ZPBP: variants seen among roughly 807,000 people sequenced by gnomAD.
ZPBP encodes zona pellucida-binding protein 1.
A neutral mutation model predicts 44.8 loss-of-function variants in ZPBP; 26 were observed. The ratio of observed to expected loss-of-function variants is 0.58; its 90% confidence interval spans 0.43 to 0.81. ZPBP has a LOEUF of 0.81. Ranked by LOEUF, ZPBP falls within the 30% of genes least tolerant of loss-of-function variation. The pLI is 0.00. For synonymous variants in ZPBP, 174 were observed against 153.2 expected, an observed-to-expected ratio of 1.14 and a Z score of -1.00; for missense variants, 409 against 434.0, an observed-to-expected ratio of 0.94 and a Z score of 0.51.
chr7:49,849,721 G>T (rs1360282971), downstream of ZPBP, among the ~76,000 whole-genome samples: 2 of 152,214 alleles, frequency 1.3e-5, no homozygotes, highest in Non-Finnish European at 2.9e-5. Context: ...GTCAGCAGAA[G>T]CCTGAAGAAT....
At chr7:49,938,551 T>TA (rs1461032483) in intron 7 of ZPBP, among the ~76,000 whole-genome samples, 1 of 152,126 alleles carries the variant, frequency 6.6e-6, no homozygotes, top group Non-Finnish European at 1.5e-5. Context: ...ATTAATGTAT[T>TA]AAAAAATCAC....
intron 3 of ZPBP, among the ~76,000 whole-genome samples, chr7:50,064,439 A>G (rs917608489): frequency 3.3e-5 from 5 of 152,180 alleles, no homozygotes; most frequent in Non-Finnish European, 7.3e-5. Context: ...AAAATTTCTT[A>G]GGCAGGAATT....
chr7:50,073,677 C>T (rs1801951932), intron 3 of ZPBP, among the ~76,000 whole-genome samples: 1 of 152,032 alleles, frequency 6.6e-6, no homozygotes, highest in Admixed American at 6.6e-5. Context: ...AAATAACATA[C>T]AATGGAGTTC....
intron 7 of ZPBP, among the ~76,000 whole-genome samples, chr7:49,975,702 T>G (rs1384079188): frequency 1.3e-5 from 2 of 152,172 alleles, no homozygotes; most frequent in African/African-American, 4.8e-5. Flanking sequence ...CTGCTATCAT[T>G]TTTTGGCTTC....
At position 50,049,183 on chromosome 7, in the gene ZPBP, A is replaced by T. The variant is rs115037761; in HGVS notation, c.487+8806T>A. Among the ~76,000 whole-genome samples the T allele has an allele frequency of 3.5e-3, 533 of 152,172 alleles. 4 individuals are homozygous for T. Among genetic ancestry groups the T allele is most frequent in the African/African-American group, 0.012 (515 of 41,564 alleles). On this transcript the variant is annotated intron_variant, in intron 4 of 7. Coordinates refer to ENST00000046087, the MANE Select transcript of ZPBP (RefSeq NM_007009.3). ...AGGTTGAATTAGTAATCAAAAAACT[A>T]CCTATGAAAAACAACACAAGCCCAA...
intron 2 of ZPBP, among the ~76,000 whole-genome samples, chr7:49,892,815 T>G (rs964974654): frequency 6.6e-5 from 10 of 152,258 alleles, no homozygotes; most frequent in Non-Finnish European, 1.5e-4. Context: ...TAAATGTTCA[T>G]CAGATCCTAA....
chr7:49,978,341 C>T (rs1243346829), intron 7 of ZPBP, among the ~76,000 whole-genome samples: 2 of 151,482 alleles, frequency 1.3e-5, no homozygotes, highest in Admixed American at 6.6e-5. Context: ...AAATGTTGTA[C>T]ATTATAAGGA....
At chr7:49,980,393 T>C (rs1430607317) in intron 7 of ZPBP, among the ~76,000 whole-genome samples, 1 of 146,626 alleles carries the variant, frequency 6.8e-6, no homozygotes, top group Non-Finnish European at 1.5e-5. Context: ...AAAAAATTTA[T>C]ACTAATATCA....
intron 7 of ZPBP, among the ~76,000 whole-genome samples, chr7:49,979,805 T>C (rs1177640802): frequency 7.3e-6 from 1 of 136,058 alleles, no homozygotes; most frequent in East Asian, 2.1e-4. Context: ...TTTATCCTTA[T>C]CTGTGTTCTG....
chr7:50,092,771 C>T, intron 1 of ZPBP: 1 of 279,604 alleles, frequency 3.6e-6, no homozygotes, highest in Non-Finnish European at 6.6e-6. Flanking sequence ...GCAAACCTGG[C>T]AGATGACCCA....
intron 5 of ZPBP, among the ~76,000 whole-genome samples, chr7:50,029,511 A>C (rs1048004623): frequency 4.6e-5 from 7 of 152,220 alleles, no homozygotes; most frequent in Admixed American, 4.6e-4. Flanking sequence ...GCATCAGAGG[A>C]TATTATTAAG....
chr7:49,875,137 C>T lies in ZPBP; in HGVS notation n.510-24623G>A, dbSNP rs1030416592. ...CTGTAATCCCAGCACTTTGGGAGGC[C>T]GAGGCAGGCAGATCACAAGGTCAGG... On this transcript the variant is annotated intron_variant and non_coding_transcript_variant, in intron 2 of 2. Transcript: ENST00000465922. Among the ~76,000 whole-genome samples the T allele has an allele frequency of 2.7e-5, 4 of 150,878 alleles. No individual in the cohort carries two copies. In the South Asian group the frequency reaches 8.3e-4, roughly 31 times the overall value.
Position 49,940,262 on chromosome 7 carries a change from G to A in ZPBP, c.962-2640C>T, listed in dbSNP as rs545590068. Reference sequence around the variant, plus strand: ...GCAGATCTCATGGTCTTTTGTTAACGACAGTCAAGGAATAAAATTCGGAAA... The same window carrying A: ...GCAGATCTCATGGTCTTTTGTTAACAACAGTCAAGGAATAAAATTCGGAAA... On this transcript the variant is annotated intron_variant, in intron 7 of 7. Transcript: ENST00000046087. Among the ~76,000 whole-genome samples, 90 of 152,032 alleles carry A rather than the reference G, an allele frequency of 5.9e-4. 1 individual carries two copies. In the Middle Eastern group the frequency reaches 0.017, roughly 29 times the overall value.
rs991807385 is a variant in ZPBP at position 50,093,146 on chromosome 7, G to A, written c.49C>T (p.Arg17Trp). The A allele has an allele frequency of 1.6e-5, 24 of 1,545,424 alleles. No individual in the cohort carries two copies. Among genetic ancestry groups the A allele is most frequent in the Non-Finnish European group, 2.1e-5 (24 of 1,147,280 alleles). ...GPARRGRRRTRAAGSLLSRAA... is the reference protein window; with the variant it reads ...GPARRGRRRTWAAGSLLSRAA... ...CGAGAGAGCAGGGAGCCGGCGGCCC[G>A]GGTCCGCCGCCTGCCCCGCCGCGCT... The change falls in exon 1 of 8, where the codon CGG (arginine) becomes TGG (tryptophan). Residue 17 changes from arginine to tryptophan, a missense_variant. By Grantham distance (101) the Arg-to-Trp change is moderately radical. This residue lies in a region of ZPBP where 367 missense variants were observed against 363.1 expected (regional missense o/e 1.01). Coordinates refer to ENST00000046087, the MANE Select transcript of ZPBP (RefSeq NM_007009.3).
chr7:49,842,283 G>A, the ZPBP span, among the ~76,000 whole-genome samples: 1 of 152,190 alleles, frequency 6.6e-6, no homozygotes, highest in Non-Finnish European at 1.5e-5. Flanking sequence ...CATAGCTCAT[G>A]AGAGATGTTA....
chr7:50,003,832 G>T (rs898957791), intron 6 of ZPBP, among the ~76,000 whole-genome samples: 7 of 151,738 alleles, frequency 4.6e-5, no homozygotes, highest in African/African-American at 1.7e-4. Context: ...AAAAAAAATT[G>T]CACATTCCAC....
intron 3 of ZPBP, among the ~76,000 whole-genome samples, chr7:50,060,444 A>T (rs1474787725): frequency 6.6e-6 from 1 of 152,192 alleles, no homozygotes; most frequent in Non-Finnish European, 1.5e-5. Flanking sequence ...AAAAGAGAGG[A>T]TCCAAATAAA....
intron 2 of ZPBP, among the ~76,000 whole-genome samples, chr7:49,887,064 G>C (rs1362397385): frequency 6.6e-6 from 1 of 151,964 alleles, no homozygotes; most frequent in African/African-American, 2.4e-5. Context: ...ATTCCTCTGT[G>C]ATGTCTTTGC....
chr7:49,864,147 T>C lies in ZPBP; in HGVS notation n.510-13633A>G, dbSNP rs535638073. 2.7e-4 allele frequency among the ~76,000 whole-genome samples: 41 copies of C among 152,306 alleles called. 1 individual carries two copies. The highest frequency in any genetic ancestry group is 9.6e-4 in the African/African-American group (40 of 41,560). ...GACTTTTCTTAACTATTTTTCAGACTGTACTCCTTGCCATTGGTGTCACTG... is the reference window on the plus strand; with the variant it reads ...GACTTTTCTTAACTATTTTTCAGACCGTACTCCTTGCCATTGGTGTCACTG... On this transcript the variant is annotated intron_variant and non_coding_transcript_variant, in intron 2 of 2. Coordinates refer to the ZPBP transcript ENST00000465922.
Sources: gnomAD v4.1 joint callset for allele counts (sites outside exome capture counted in the v4.1 genomes callset) on GRCh38, gnomAD v4.1.1 for gene constraint, gnomAD v4.1.1 regional missense constraint, MANE v1.5 for transcripts, NCBI Gene and HGNC (gene_info 2026-07-23, HGNC 2026-07-21) for gene names.